The following AKAP7 variants were observed in gnomAD, a reference collection of about 807,000 sequenced individuals.
AKAP7 encodes the protein A kinase (PRKA) anchor protein 7.
Under a neutral mutation model 39.5 loss-of-function variants are expected in AKAP7, and 39 were observed. That is an observed-to-expected ratio of 0.99 (90% CI 0.76 to 1.29). AKAP7 has a LOEUF of 1.29. Among genes scored for constraint, AKAP7 ranks in the 50% most tolerant of loss-of-function variants. The pLI is 0.00. For missense variants in AKAP7, 414 were observed against 407.7 expected, an observed-to-expected ratio of 1.02 and a Z score of -0.13; for synonymous variants, 140 against 139.1, an observed-to-expected ratio of 1.01 and a Z score of -0.05.
chr6:131,240,510 G>A (rs1409651347), intron 7 of AKAP7, among the ~76,000 whole-genome samples: 1 of 152,230 alleles, frequency 6.6e-6, no homozygotes, highest in East Asian at 1.9e-4. Flanking sequence ...CAGAGGTGAA[G>A]TCTATAGAGG....
At chr6:131,158,589 C>T (rs959661591) in intron 2 of AKAP7, among the ~76,000 whole-genome samples, 3 of 152,070 alleles carry the variant, frequency 2.0e-5, no homozygotes, top group Non-Finnish European at 4.4e-5. Flanking sequence ...GTAACTGCAA[C>T]CTCAGCCTCC....
intron 6 of AKAP7, among the ~76,000 whole-genome samples, chr6:131,210,755 T>C (rs1245022512): frequency 6.6e-6 from 1 of 152,252 alleles, no homozygotes; most frequent in Non-Finnish European, 1.5e-5. Context: ...TGGCCATTCA[T>C]TACCTGGGAG....
At chr6:131,145,850 C>T (rs890074334) in intron 2 of AKAP7, among the ~76,000 whole-genome samples, 21 of 152,082 alleles carry the variant, frequency 1.4e-4, no homozygotes, top group East Asian at 9.7e-4. Context: ...GATCGTGCCG[C>T]GCCAAGTCTT....
chr6:131,210,716 G>A (rs751883288), intron 6 of AKAP7, among the ~76,000 whole-genome samples: 1 of 152,108 alleles, frequency 6.6e-6, no homozygotes, highest in Non-Finnish European at 1.5e-5. Flanking sequence ...TTTCCGGTTT[G>A]GTCTCCAGCA....
chr6:131,130,519 C>T (rs1474295422), upstream of AKAP7, among the ~76,000 whole-genome samples: 3 of 152,192 alleles, frequency 2.0e-5, no homozygotes, highest in African/African-American at 4.8e-5. Flanking sequence ...TGGTATCAAA[C>T]TCCTGACCTC....
At chr6:131,195,281 G>A (rs1806813725) in intron 5 of AKAP7, among the ~76,000 whole-genome samples, 1 of 151,990 alleles carries the variant, frequency 6.6e-6, no homozygotes, top group East Asian at 1.9e-4. Context: ...ACTTAACCCT[G>A]ATTGAATAAA....
chr6:131,140,936 T>C (rs1800977885), intron 1 of AKAP7, among the ~76,000 whole-genome samples: 1 of 152,220 alleles, frequency 6.6e-6, no homozygotes, highest in Admixed American at 6.5e-5. Flanking sequence ...ATTTGCAAGT[T>C]TATGAATAGA....
rs570903249 is a variant in AKAP7, at chr6:131,221,742, C to T, written c.850+1934C>T. Among the ~76,000 whole-genome samples the T allele has an allele frequency of 2.0e-3, 299 of 152,214 alleles. 1 individual carries two copies. The highest frequency in any genetic ancestry group is 3.2e-3 in the Non-Finnish European group (219 of 68,010). The stretch of plus-strand genomic sequence containing the variant: ...TGTCTATACTTTATAAATGGAACAA[C>T]GAAGCATGGATGACAGCACATCTGT... On this transcript the variant is annotated intron_variant, in intron 7 of 7. Transcript: ENST00000431975.
intron 7 of AKAP7, chr6:131,250,729 T>C (rs1019246205): frequency 4.7e-6 from 5 of 1,071,122 alleles, no homozygotes; most frequent in Non-Finnish European, 6.9e-6. Flanking sequence ...ACTAATCAGC[T>C]ATGGTTTTTA....
At chr6:131,181,506 A>C (rs73633663) in intron 5 of AKAP7, among the ~76,000 whole-genome samples, 2 of 152,148 alleles carry the variant, frequency 1.3e-5, no homozygotes, top group Non-Finnish European at 2.9e-5. Context: ...CTTTGCTTCC[A>C]GACTCTTTTT....
At chr6:131,261,744 T>G (rs984179538) in intron 7 of AKAP7, among the ~76,000 whole-genome samples, 3 of 152,202 alleles carry the variant, frequency 2.0e-5, no homozygotes, top group African/African-American at 7.2e-5. Flanking sequence ...ACCCTTTGCC[T>G]CTGTCGTTCA....
intron 7 of AKAP7, among the ~76,000 whole-genome samples, chr6:131,263,671 G>T (rs1813545848): frequency 6.6e-6 from 1 of 152,162 alleles, no homozygotes; most frequent in Non-Finnish European, 1.5e-5. Flanking sequence ...GGTAGCTCTG[G>T]ATCAACAGCC....
intron 2 of AKAP7, among the ~76,000 whole-genome samples, chr6:131,155,149 G>A (rs540510197): frequency 3.0e-4 from 45 of 152,196 alleles, no homozygotes; most frequent in African/African-American, 9.6e-4. Context: ...AAGTAGCTGG[G>A]ATTATAGGTG....
At chr6:131,202,536 C>T (rs1050528661) in intron 6 of AKAP7, among the ~76,000 whole-genome samples, 19 of 149,742 alleles carry the variant, frequency 1.3e-4, no homozygotes, top group Non-Finnish European at 1.9e-4. Context: ...TGCAGGTTCT[C>T]ACTCCTAGGT....
chr6:131,187,327 T>C (rs1805964030), intron 5 of AKAP7, among the ~76,000 whole-genome samples: 1 of 152,154 alleles, frequency 6.6e-6, no homozygotes, highest in African/African-American at 2.4e-5. Flanking sequence ...TTTCAGAATA[T>C]GCATCTTTCA....
At chr6:131,131,322 C>T (rs887168329), upstream of AKAP7, among the ~76,000 whole-genome samples, 29 of 152,128 alleles carry the variant, frequency 1.9e-4, no homozygotes, top group African/African-American at 6.5e-4. Context: ...AACCTTGCTG[C>T]AGAACACCTT....
At chr6:131,175,247 A>G (rs566088805) in intron 5 of AKAP7, among the ~76,000 whole-genome samples, 10 of 152,194 alleles carry the variant, frequency 6.6e-5, no homozygotes, top group South Asian at 2.1e-4. Flanking sequence ...TGGCAGAGGC[A>G]CAAGAGGTGG....
chr6:131,245,641 A>G (rs1811944363), intron 7 of AKAP7, among the ~76,000 whole-genome samples: 2 of 152,094 alleles, frequency 1.3e-5, no homozygotes, highest in African/African-American at 4.8e-5. Context: ...CGAATTGTCA[A>G]GCACTTCTTG....
intron 5 of AKAP7, among the ~76,000 whole-genome samples, chr6:131,172,535 CCAGACTGGTCTTGAACTCTTGGCCTCAAG>C (rs1804172732): frequency 6.6e-6 from 1 of 151,920 alleles, no homozygotes. Context: ...ACTATGTTGC[CCAGACTGGTCTTGAACTCTTGGCCTCAAG>C]CAGTTGTCCC....
Sources: gnomAD v4.1 joint callset for allele counts (sites outside exome capture counted in the v4.1 genomes callset) on GRCh38, gnomAD v4.1.1 for gene constraint, MANE v1.5 for transcripts, NCBI Gene and HGNC (gene_info 2026-07-23, HGNC 2026-07-21) for gene names.